Variants in VIPR1 observed in about 807,000 individuals in gnomAD.
VIPR1 encodes vasoactive intestinal polypeptide receptor 1.
A neutral mutation model predicts 58.8 loss-of-function variants in VIPR1; 59 were observed. The observed-to-expected ratio is 1.00, with a 90% CI of 0.81 to 1.25. The LOEUF (loss-of-function observed/expected upper bound fraction) is 1.25. Among genes scored for constraint, VIPR1 ranks in the 50% most tolerant of loss-of-function variants. VIPR1 has a pLI of 0.00. For synonymous variants in VIPR1, 251 were observed against 242.1 expected (o/e 1.04, Z -0.34); for missense variants, 626 against 602.7 (o/e 1.04, Z -0.40).
chr3:42,519,238 G>T lies in VIPR1; in HGVS notation c.200G>T (p.Trp67Leu). The part of the protein sequence containing the change: ...ENETIGCSKM[W>L]DNLTCWPATP... ...ACCCCCATAGGCTGCAGCAAGATGT[G>T]GGACAACCTCACCTGCTGGCCAGCC... Residue 67 changes from tryptophan (W) to leucine (L), a missense_variant, in exon 3 of 13, where the codon TGG becomes TTG. By Grantham distance (61) the Trp-to-Leu change is moderately conservative. Transcript: ENST00000325123. 1.2e-6 allele frequency: 2 copies of T among 1,609,516 alleles called. No individual in the cohort carries two copies. Among genetic ancestry groups the T allele is most frequent in the Non-Finnish European group, 1.7e-6 (2 of 1,178,020 alleles).
intron 4 of VIPR1, among the ~76,000 whole-genome samples, chr3:42,526,418 C>G (rs1701236813): frequency 6.6e-6 from 1 of 152,220 alleles, no homozygotes; most frequent in South Asian, 2.1e-4. Flanking sequence ...GCCTGTCATT[C>G]TCAGTCCCAG....
At chr3:42,523,858 C>A (rs1660456409) in intron 3 of VIPR1, among the ~76,000 whole-genome samples, 1 of 152,124 alleles carries the variant, frequency 6.6e-6, no homozygotes, top group African/African-American at 2.4e-5. Flanking sequence ...TACTCTGTCA[C>A]CCAGGTGGGA....
At chr3:42,524,224 G>A (rs2267537) in intron 3 of VIPR1, among the ~76,000 whole-genome samples, 19,820 of 152,258 alleles carry the variant, frequency 0.13, 1,465 homozygotes, top group East Asian at 0.35. Context: ...CCCTGGAACT[G>A]GGGCTGAGGA....
At chr3:42,516,807 T>G (rs1700651997) in intron 2 of VIPR1, 1 of 152,264 alleles carries the variant, frequency 6.6e-6, no homozygotes, top group African/African-American at 2.4e-5. Context: ...GAGCTGGTTT[T>G]CTAATCAGTC....
At chr3:42,503,662 C>T (rs1370776685) in intron 1 of VIPR1, among the ~76,000 whole-genome samples, 6 of 152,168 alleles carry the variant, frequency 3.9e-5, no homozygotes, top group Admixed American at 3.9e-4. Context: ...CACTCTAGAA[C>T]AGGGGAGACC....
chr3:42,529,454 G>C (rs1408010715), intron 6 of VIPR1: 1 of 107,288 alleles, frequency 9.3e-6, no homozygotes, highest in Non-Finnish European at 1.7e-5. Context: ...GACAGAGCAA[G>C]ACTCCATCTC....
At position 42,494,383 on chromosome 3, in the gene VIPR1, C is replaced by G. The variant is rs536472687; in HGVS notation, c.-245+4705C>G. On this transcript the variant is annotated intron_variant, in intron 1 of 13. Coordinates refer to the VIPR1 transcript ENST00000433647. ...AACATTTCATCTTCTTCACTGCTTT[C>G]AAACAGTTTGATTACATAGGAGTTA... Among the ~76,000 whole-genome samples the G allele has an allele frequency of 2.2e-4, 33 of 152,298 alleles. No homozygotes were observed. The South Asian group carries it at 6.6e-3, about 31-fold the overall frequency.
At position 42,536,838 on chromosome 3, in the gene VIPR1, CT is replaced by C; in HGVS notation, c.*562del. 6.6e-6 allele frequency: 1 copy of C among 152,302 alleles called. No individual in the cohort carries two copies. Among genetic ancestry groups the C allele is most frequent in the East Asian group, 1.9e-4 (1 of 5,202 alleles). 9.4% of individuals were successfully genotyped at this position (152,302 alleles called of 1,614,324 possible). A position where few individuals can be genotyped will look rare whatever the true frequency, so the allele number is the denominator to read the frequency against. On this transcript the variant is annotated 3_prime_UTR_variant, in exon 13 of 13. Transcript: ENST00000325123. ...TTCTCTCTTTACGCTTAGTTATCAG[CT>C]TTTTAAAGTGGGTTATTCTGGAGTT...
At chr3:42,493,512 C>T (rs1255755680) in intron 1 of VIPR1, among the ~76,000 whole-genome samples, 5 of 152,188 alleles carry the variant, frequency 3.3e-5, no homozygotes, top group Admixed American at 6.5e-5. Context: ...ATGCTGGATA[C>T]CTGTGGCTGC....
intron 3 of VIPR1, among the ~76,000 whole-genome samples, chr3:42,520,762 G>A (rs1211187525): frequency 6.6e-6 from 1 of 152,160 alleles, no homozygotes. Context: ...TTCCCCGTTT[G>A]TAAAGTGGGG....
Position 42,531,456 on chromosome 3 carries a change from C to A in VIPR1, c.791-15C>A. The A allele has an allele frequency of 6.4e-7, 1 of 1,568,628 alleles. No individual in the cohort carries two copies. Among genetic ancestry groups the A allele is most frequent in the East Asian group, 2.3e-5 (1 of 42,650 alleles). ...TGTGCCCTCTCTGCTCTTTCACTCT[C>A]CCTGGGCCTGACAGGGGTACCCAGC... On this transcript the variant is annotated splice_polypyrimidine_tract_variant and intron_variant, in intron 7 of 12. Coordinates refer to ENST00000325123, the MANE Select transcript of VIPR1 (RefSeq NM_004624.4).
intron 3 of VIPR1, among the ~76,000 whole-genome samples, chr3:42,520,330 G>A (rs1189187271): frequency 1.3e-5 from 2 of 152,222 alleles, no homozygotes; most frequent in African/African-American, 4.8e-5. Context: ...CCTAAGTCCA[G>A]TTAGAAGTGG....
intron 7 of VIPR1, chr3:42,531,202 G>A: frequency 1.6e-6 from 1 of 610,048 alleles, no homozygotes; most frequent in Non-Finnish European, 2.9e-6. Flanking sequence ...AAATACACAG[G>A]GCCACTGCTA....
upstream of VIPR1, among the ~76,000 whole-genome samples, chr3:42,497,846 T>C (rs1699795749): frequency 6.6e-6 from 1 of 152,150 alleles, no homozygotes; most frequent in Non-Finnish European, 1.5e-5. Context: ...GAACTATGAG[T>C]CCACTAAACC....
At chr3:42,520,265 G>T (rs80264133) in intron 3 of VIPR1, among the ~76,000 whole-genome samples, 1 of 152,166 alleles carries the variant, frequency 6.6e-6, no homozygotes, top group Non-Finnish European at 1.5e-5. Flanking sequence ...GGACAGGTGC[G>T]CCGAGGCCAG....
chr3:42,521,406 T>A (rs1320473515), intron 3 of VIPR1: 1 of 152,070 alleles, frequency 6.6e-6, no homozygotes, highest in Non-Finnish European at 1.5e-5. Flanking sequence ...GAGACTGCGA[T>A]TAGGGACTGA....
chr3:42,522,617 C>T (rs1701010393), intron 3 of VIPR1, among the ~76,000 whole-genome samples: 1 of 152,060 alleles, frequency 6.6e-6, no homozygotes, highest in African/African-American at 2.4e-5. Context: ...GATGGGACAC[C>T]ACGGCAGGGA....
chr3:42,497,166 T>C (rs764364246), intron 1 of VIPR1, among the ~76,000 whole-genome samples: 2 of 152,322 alleles, frequency 1.3e-5, no homozygotes, highest in East Asian at 3.9e-4. Context: ...GGAGTTAGTC[T>C]GAGTTCTCCC....
At position 42,504,412 on chromosome 3, in the gene VIPR1, C is replaced by T. The variant is rs1700013820; in HGVS notation, c.78+1599C>T. Among the ~76,000 whole-genome samples, 4 of 152,204 alleles carry T rather than the reference C, an allele frequency of 2.6e-5. No individual in the cohort carries two copies. In the South Asian group the frequency reaches 8.3e-4, roughly 32 times the overall value. On this transcript the variant is annotated intron_variant, in intron 1 of 12. Coordinates refer to ENST00000325123, the MANE Select transcript of VIPR1 (RefSeq NM_004624.4). ...CTTTCCACATCTTATTCGTTTAGTG[C>T]CCAACTCTATCTCCTCCTCCAGACA...
Sources: allele counts gnomAD v4.1 joint callset (sites outside exome capture counted in the v4.1 genomes callset), GRCh38; gene constraint gnomAD v4.1.1; transcripts MANE v1.5; gene names NCBI Gene and HGNC (gene_info 2026-07-23, HGNC 2026-07-21).